CSMD1: variants seen among roughly 807,000 people sequenced by gnomAD.
The protein encoded by CSMD1 is CUB and sushi domain-containing protein 1.
Under a neutral mutation model 417.5 loss-of-function variants are expected in CSMD1, and 213 were observed. The observed-to-expected ratio is 0.51, with a 90% CI of 0.46 to 0.57. The LOEUF is 0.57. Ranked by LOEUF, CSMD1 falls within the 20% of genes least tolerant of loss-of-function variation. The pLI is 0.00. For synonymous variants in CSMD1, 2,862 were observed against 1,736.8 expected, an observed-to-expected ratio of 1.65 and a Z score of -16.11; for missense variants, 6,923 against 4,529.7, an observed-to-expected ratio of 1.53 and a Z score of -15.17.
At chr8:4,130,047 T>C (rs1803002356) in intron 3 of CSMD1, among the ~76,000 whole-genome samples, 1 of 152,186 alleles carries the variant, frequency 6.6e-6, no homozygotes, top group South Asian at 2.1e-4. Flanking sequence ...CTGCTTATAT[T>C]AGAAGAAAAT....
intron 38 of CSMD1, among the ~76,000 whole-genome samples, chr8:3,158,757 C>CCTGAT (rs1563096103): frequency 6.6e-6 from 1 of 151,916 alleles, no homozygotes; most frequent in Non-Finnish European, 1.5e-5. Flanking sequence ...TTATATTTTT[C>CCTGAT]CTGATCGTGA....
At chr8:4,653,472 A>T (rs1306791929) in intron 1 of CSMD1, among the ~76,000 whole-genome samples, 2 of 152,124 alleles carry the variant, frequency 1.3e-5, no homozygotes, top group Non-Finnish European at 2.9e-5. Context: ...TAAAATTTGC[A>T]TTTCAAATAA....
At chr8:3,474,288 T>C (rs151053631) in intron 11 of CSMD1, among the ~76,000 whole-genome samples, 2 of 152,064 alleles carry the variant, frequency 1.3e-5, no homozygotes, top group Admixed American at 6.6e-5. Context: ...TATATGATAA[T>C]CATACAAATG....
At chr8:4,985,804 T>C (rs908740709) in intron 1 of CSMD1, among the ~76,000 whole-genome samples, 1 of 152,078 alleles carries the variant, frequency 6.6e-6, no homozygotes, top group Non-Finnish European at 1.5e-5. Flanking sequence ...GCTGAAACCA[T>C]AAGACAAAAA....
chr8:4,205,985 T>A (rs1319105612), intron 3 of CSMD1, among the ~76,000 whole-genome samples: 1 of 152,122 alleles, frequency 6.6e-6, no homozygotes, highest in Admixed American at 6.6e-5. Context: ...TCTCTCTACT[T>A]CAGGAATTTT....
Position 4,680,926 on chromosome 8 carries a change from C to G in CSMD1, c.86-43368G>C, listed in dbSNP as rs143388739. On this transcript the variant is annotated intron_variant, in intron 1 of 69. Coordinates refer to ENST00000635120, the MANE Select transcript of CSMD1 (RefSeq NM_033225.6). ...TATGATAAGCACACACACACACACA[C>G]AAACCCCTAATCTATCTATATTGAT... Among the ~76,000 whole-genome samples the G allele has an allele frequency of 1.5e-4, 23 of 150,026 alleles. No individual in the cohort carries two copies. In the East Asian group the frequency reaches 4.2e-3, roughly 27 times the overall value.
At chr8:4,549,299 G>A (rs1033505227) in intron 2 of CSMD1, among the ~76,000 whole-genome samples, 2 of 152,164 alleles carry the variant, frequency 1.3e-5, no homozygotes, top group African/African-American at 4.8e-5. Flanking sequence ...GACTTGGAAT[G>A]CGAGGGGAAG....
intron 2 of CSMD1, among the ~76,000 whole-genome samples, chr8:4,631,755 C>T (rs886734843): frequency 8.5e-5 from 13 of 152,212 alleles, no homozygotes; most frequent in Non-Finnish European, 1.6e-4. Flanking sequence ...GGCCCTATCA[C>T]ATTCACCTCT....
chr8:4,761,889 A>AT (rs1563319331), intron 1 of CSMD1, among the ~76,000 whole-genome samples: 920 of 72,522 alleles, frequency 0.013, 7 homozygotes, highest in East Asian at 0.049. Flanking sequence ...CTATCTATCT[A>AT]CCTACCTATC....
intron 4 of CSMD1, among the ~76,000 whole-genome samples, chr8:4,026,433 CTGT>C: frequency 6.6e-6 from 1 of 152,144 alleles, no homozygotes; most frequent in South Asian, 2.1e-4. Context: ...ACTTAGCTGA[CTGT>C]TATGTCAACT....
chr8:3,450,902 A>C (rs1815664628), intron 12 of CSMD1, among the ~76,000 whole-genome samples: 1 of 151,838 alleles, frequency 6.6e-6, no homozygotes, highest in Non-Finnish European at 1.5e-5. Flanking sequence ...TGACTTCCAC[A>C]ATGGTTGAAC....
intron 1 of CSMD1, among the ~76,000 whole-genome samples, chr8:4,665,675 G>A (rs985146578): frequency 2.6e-5 from 4 of 152,196 alleles, no homozygotes; most frequent in African/African-American, 7.2e-5. Flanking sequence ...GTCCACCCAC[G>A]CTGTTGCATG....
chr8:3,960,123 G>A (rs75639550), intron 5 of CSMD1, among the ~76,000 whole-genome samples: 2,147 of 152,280 alleles, frequency 0.014, 52 homozygotes, highest in African/African-American at 0.05. Flanking sequence ...TGTTCAAAAT[G>A]ATAATGATAG....
intron 28 of CSMD1, 126 bp from the exon 29 acceptor site, chr8:3,219,568 C>G (rs1798083241): frequency 1.6e-6 from 1 of 618,928 alleles, no homozygotes; most frequent in Non-Finnish European, 2.6e-6. Flanking sequence ...TTAGGGCAAT[C>G]AAAAAGTTAA....
At chr8:3,836,821 A>C (rs1033332332) in intron 5 of CSMD1, among the ~76,000 whole-genome samples, 2 of 152,186 alleles carry the variant, frequency 1.3e-5, no homozygotes, top group Non-Finnish European at 2.9e-5. Flanking sequence ...AAATAATTTT[A>C]TAACTCAATT....
chr8:3,652,754 C>G (rs1797921524), intron 7 of CSMD1, among the ~76,000 whole-genome samples: 1 of 152,122 alleles, frequency 6.6e-6, no homozygotes, highest in African/African-American at 2.4e-5. Context: ...TATTACAGTT[C>G]AAGGTGAGAT....
intron 3 of CSMD1, among the ~76,000 whole-genome samples, chr8:4,341,163 G>A (rs999465257): frequency 4.6e-5 from 7 of 152,008 alleles, no homozygotes; most frequent in African/African-American, 1.7e-4. Flanking sequence ...GAATTAGTAG[G>A]CGTTGATCAT....
chr8:3,475,183 C>G (rs1384532588), intron 11 of CSMD1, among the ~76,000 whole-genome samples: 1 of 142,550 alleles, frequency 7.0e-6, no homozygotes, highest in Non-Finnish European at 1.5e-5. Context: ...CCTCTTGAAG[C>G]CAGATTAGGA....
At chr8:3,860,435 C>CT (rs907705284) in intron 5 of CSMD1, among the ~76,000 whole-genome samples, 17 of 151,844 alleles carry the variant, frequency 1.1e-4, no homozygotes, top group Admixed American at 6.6e-4. Context: ...AACAATAAAA[C>CT]TTTTTTTTCC....
Sources: gnomAD v4.1 joint callset for allele counts (sites outside exome capture counted in the v4.1 genomes callset) on GRCh38, gnomAD v4.1.1 for gene constraint, MANE v1.5 for transcripts, NCBI Gene and HGNC (gene_info 2026-07-23, HGNC 2026-07-21) for gene names.